The following NOL4 variants were observed in gnomAD, a reference collection of about 807,000 sequenced individuals.
NOL4 encodes cancer/testis antigen 125.
A neutral mutation model predicts 75.9 loss-of-function variants in NOL4; 17 were observed. The ratio of observed to expected loss-of-function variants is 0.22; its 90% CI spans 0.15 to 0.34. The LOEUF (loss-of-function observed/expected upper bound fraction) is 0.34. Among genes scored for constraint, NOL4 ranks in the 10% least tolerant of loss-of-function variants. The probability of loss-of-function intolerance (pLI) is 1.00; values close to 1 mark genes in which losing one functional copy is unlikely to be tolerated. For missense variants in NOL4, 614 were observed against 793.5 expected (o/e 0.77, Z 2.72); for synonymous variants, 292 against 289.9 (o/e 1.01, Z -0.07).
At chr18:34,205,627 A>G (rs2062017051) in intron 1 of NOL4, among the ~76,000 whole-genome samples, 2 of 152,162 alleles carry the variant, frequency 1.3e-5, no homozygotes, top group South Asian at 4.1e-4. Context: ...CTAATCTTGC[A>G]TATTCCCTGT....
intron 9 of NOL4, among the ~76,000 whole-genome samples, chr18:33,885,579 T>A (rs1439653405): frequency 2.0e-5 from 3 of 152,152 alleles, no homozygotes; most frequent in Non-Finnish European, 4.4e-5. Flanking sequence ...GTGCTCAACA[T>A]CATTGATGAT....
intron 5 of NOL4, among the ~76,000 whole-genome samples, chr18:34,066,894 G>A (rs554470006): frequency 2.0e-5 from 3 of 151,922 alleles, no homozygotes; most frequent in East Asian, 1.9e-4. Flanking sequence ...CTTTAGACTC[G>A]TTGGTAATAC....
intron 6 of NOL4, among the ~76,000 whole-genome samples, chr18:33,998,202 T>C (rs918859499): frequency 1.8e-4 from 27 of 152,054 alleles, no homozygotes; most frequent in Non-Finnish European, 4.4e-5. Context: ...ACCATAGTGA[T>C]GGTTGCATAT....
chr18:34,134,313 TCAAGAG>T (rs1204174964), intron 1 of NOL4, among the ~76,000 whole-genome samples: 1 of 151,876 alleles, frequency 6.6e-6, no homozygotes, highest in East Asian at 1.9e-4. Context: ...TATTGTATGC[TCAAGAG>T]CAACCACTAA....
rs183136854 is a variant in NOL4, at chr18:34,026,492, T to A, written c.773-6891A>T. ...CCTCTTTCTGTTATCAATTCCAGAGTTGCTTCACTAACCCCTGCTTGGCTT... is the reference window on the plus strand; with the variant it reads ...CCTCTTTCTGTTATCAATTCCAGAGATGCTTCACTAACCCCTGCTTGGCTT... On this transcript the variant is annotated intron_variant, in intron 5 of 10. Coordinates refer to ENST00000261592, the MANE Select transcript of NOL4 (RefSeq NM_003787.5). 2.1e-3 allele frequency among the ~76,000 whole-genome samples: 322 copies of A among 152,192 alleles called. 5 individuals carry two copies. The highest frequency in any genetic ancestry group is 7.2e-3 in the African/African-American group (301 of 41,526).
At chr18:34,161,805 G>T (rs1023537238) in intron 1 of NOL4, among the ~76,000 whole-genome samples, 10 of 152,092 alleles carry the variant, frequency 6.6e-5, no homozygotes, top group African/African-American at 2.4e-4. Flanking sequence ...ACCAACTAAA[G>T]TGTTACCTGA....
At chr18:33,996,976 G>T (rs779319260) in intron 6 of NOL4, among the ~76,000 whole-genome samples, 2 of 151,804 alleles carry the variant, frequency 1.3e-5, no homozygotes, top group African/African-American at 4.8e-5. Context: ...CTTAGTTTAA[G>T]TTCCTTACGC....
At chr18:33,952,751 C>G (rs1390219158) in intron 8 of NOL4, among the ~76,000 whole-genome samples, 1 of 152,096 alleles carries the variant, frequency 6.6e-6, no homozygotes, top group Non-Finnish European at 1.5e-5. Flanking sequence ...ATGGAGAAAC[C>G]CCATCTCTAC....
At chr18:33,944,180 G>A (rs2068685152) in intron 8 of NOL4, among the ~76,000 whole-genome samples, 1 of 151,750 alleles carries the variant, frequency 6.6e-6, no homozygotes, top group Non-Finnish European at 1.5e-5. Flanking sequence ...GGTTTTCAAA[G>A]CCTCAAACGA....
intron 10 of NOL4, among the ~76,000 whole-genome samples, chr18:33,882,950 G>T (rs564608914): frequency 1.3e-5 from 2 of 151,590 alleles, no homozygotes; most frequent in East Asian, 1.9e-4. Flanking sequence ...GTAAACTATC[G>T]CAAGAACAAA....
intron 9 of NOL4, among the ~76,000 whole-genome samples, chr18:33,933,262 G>C (rs964687648): frequency 6.6e-6 from 1 of 152,142 alleles, no homozygotes; most frequent in Non-Finnish European, 1.5e-5. Flanking sequence ...GCTTAAAAAT[G>C]TTAACAATCA....
chr18:34,223,054 G>A lies in NOL4; in HGVS notation c.200C>T (p.Pro67Leu), dbSNP rs1156406561. ...VKSKGFQLGQ[P>L]DEVRGGGGGA... ...GCCGCCTCCCCCGCGGACCTCGTCC[G>A]GCTGGCCCAGCTGGAAGCCCTTCGA... Residue 67 changes from proline to leucine, a missense_variant, in exon 1 of 11, where the codon CCG becomes CTG. Pro to Leu is a moderately conservative substitution (Grantham distance 98). Transcript: ENST00000261592. 1.9e-6 allele frequency: 3 copies of A among 1,613,804 alleles called. No individual in the cohort carries two copies. The highest frequency in any genetic ancestry group is 1.3e-5 in the African/African-American group (1 of 75,020).
intron 10 of NOL4, among the ~76,000 whole-genome samples, chr18:33,861,712 G>T (rs1336063406): frequency 2.0e-5 from 3 of 152,078 alleles, no homozygotes; most frequent in Non-Finnish European, 2.9e-5. Context: ...CACCTTATAA[G>T]GGACATGAAG....
chr18:33,984,708 G>T (rs1225059350), intron 6 of NOL4, among the ~76,000 whole-genome samples: 2 of 152,140 alleles, frequency 1.3e-5, no homozygotes, highest in African/African-American at 4.8e-5. Flanking sequence ...CCAGCCTGAG[G>T]AAGTGTGAGT....
In NOL4 at chr18:34,208,681, C is replaced by A. The variant is rs576228850; in HGVS notation, c.264+14309G>T. ...AGACCAGCCTGGCTAAAAGGTCAAACCCCGTCTCTACTAAAATCACCAAAA... is the reference window on the plus strand; with the variant it reads ...AGACCAGCCTGGCTAAAAGGTCAAAACCCGTCTCTACTAAAATCACCAAAA... On this transcript the variant is annotated intron_variant, in intron 1 of 10. Coordinates refer to ENST00000261592, the MANE Select transcript of NOL4 (RefSeq NM_003787.5). Among the ~76,000 whole-genome samples the A allele has an allele frequency of 5.3e-5, 8 of 151,668 alleles. No homozygotes were observed. In the East Asian group the frequency reaches 1.2e-3, roughly 22 times the overall value.
At chr18:33,862,053 T>C (rs2144291392) in intron 10 of NOL4, among the ~76,000 whole-genome samples, 1 of 152,274 alleles carries the variant, frequency 6.6e-6, no homozygotes, top group East Asian at 1.9e-4. Flanking sequence ...AACAGCATGG[T>C]ACTGGTACCA....
intron 9 of NOL4, among the ~76,000 whole-genome samples, chr18:33,894,789 G>C (rs965556895): frequency 5.3e-5 from 8 of 152,122 alleles, no homozygotes; most frequent in African/African-American, 1.9e-4. Flanking sequence ...CAGAGAAGTA[G>C]AGAGTAGAAT....
chr18:34,007,827 AT>A (rs375658265), intron 6 of NOL4, among the ~76,000 whole-genome samples: 1 of 150,932 alleles, frequency 6.6e-6, no homozygotes, highest in Admixed American at 6.6e-5. Context: ...TCTCCTTGTT[AT>A]TTTTTTTTAT....
At chr18:33,940,810 T>C (rs781276929) in intron 9 of NOL4, among the ~76,000 whole-genome samples, 2 of 151,974 alleles carry the variant, frequency 1.3e-5, no homozygotes, top group Non-Finnish European at 1.5e-5. Flanking sequence ...GCAATAAATA[T>C]ATGAGGACAT....
Sources: allele counts gnomAD v4.1 joint callset (sites outside exome capture counted in the v4.1 genomes callset), GRCh38; gene constraint gnomAD v4.1.1; transcripts MANE v1.5; gene names NCBI Gene and HGNC (gene_info 2026-07-23, HGNC 2026-07-21).